The following PHTF2 variants were observed in gnomAD, a reference collection of about 807,000 sequenced individuals.
PHTF2 encodes the protein putative homeodomain transcription factor 2, also known as protein PHTF2.
Under a neutral mutation model 101.2 loss-of-function variants are expected in PHTF2, and 60 were observed. The observed-to-expected ratio is 0.59, with a 90% CI of 0.48 to 0.73. The LOEUF is 0.73. Ranked by LOEUF, PHTF2 falls within the 30% of genes least tolerant of loss-of-function variation. The pLI, the probability that PHTF2 is intolerant of heterozygous loss-of-function variation, is 0.00. For synonymous variants in PHTF2, 311 were observed against 307.3 expected (o/e 1.01, Z -0.13); for missense variants, 747 against 908.7 (o/e 0.82, Z 2.29).
intron 5 of PHTF2, among the ~76,000 whole-genome samples, chr7:77,894,387 C>T (rs10953373): frequency 0.097 from 14,683 of 152,150 alleles, 949 homozygotes; most frequent in South Asian, 0.18. Flanking sequence ...GACAGTATTA[C>T]CTTAGTTACT....
At chr7:77,863,148 C>A (rs2150680970) in intron 3 of PHTF2, among the ~76,000 whole-genome samples, 1 of 152,276 alleles carries the variant, frequency 6.6e-6, no homozygotes, top group South Asian at 2.1e-4. Context: ...TAAGTGAAGT[C>A]TTGCTTTAGT....
At chr7:77,821,779 C>T (rs2150521054) in intron 1 of PHTF2, among the ~76,000 whole-genome samples, 1 of 152,260 alleles carries the variant, frequency 6.6e-6, no homozygotes, top group Admixed American at 6.5e-5. Flanking sequence ...AGGGGTGTGG[C>T]TCAGGAGTGA....
At chr7:77,914,045 G>A (rs1159263419) in intron 9 of PHTF2, among the ~76,000 whole-genome samples, 1 of 137,938 alleles carries the variant, frequency 7.2e-6, no homozygotes, top group African/African-American at 2.7e-5. Context: ...CAGCCTGGGC[G>A]ACAGAGCTGG....
chr7:77,917,923 G>A (rs1803085616), intron 9 of PHTF2, among the ~76,000 whole-genome samples: 1 of 152,180 alleles, frequency 6.6e-6, no homozygotes, highest in South Asian at 2.1e-4. Flanking sequence ...CTACAGCTTA[G>A]TAAATTACTG....
rs1797152978 is a variant in PHTF2, at chr7:77,856,048, G to T, written c.147+1214G>T. Among the ~76,000 whole-genome samples, 3 of 152,204 alleles carry T rather than the reference G, an allele frequency of 2.0e-5. No individual in the cohort carries two copies. The South Asian group carries it at 6.2e-4, about 32-fold the overall frequency. On this transcript the variant is annotated intron_variant, in intron 3 of 19. Coordinates refer to ENST00000416283, the Ensembl canonical transcript of PHTF2. ...GCATGATTGCTAGAGGTTTGTATTT[G>T]ACCATCTTGCTCCAATAACCTAAAT...
At chr7:77,807,286 T>C (rs999215413) in intron 1 of PHTF2, among the ~76,000 whole-genome samples, 4 of 152,208 alleles carry the variant, frequency 2.6e-5, no homozygotes, top group Non-Finnish European at 5.9e-5. Flanking sequence ...TAGTTCTATT[T>C]TTAATCTTTT....
At chr7:77,886,746 G>C (rs925137513) in intron 3 of PHTF2, among the ~76,000 whole-genome samples, 1 of 152,146 alleles carries the variant, frequency 6.6e-6, no homozygotes, top group African/African-American at 2.4e-5. Context: ...AGGGGCAGGG[G>C]AGGAAGTGAT....
At chr7:77,911,263 A>G (rs1422139100) in intron 9 of PHTF2, among the ~76,000 whole-genome samples, 1 of 151,982 alleles carries the variant, frequency 6.6e-6, no homozygotes, top group Non-Finnish European at 1.5e-5. Context: ...ATACAACTAT[A>G]CAAAAATGGC....
At chr7:77,845,823 C>T (rs1399543416) in intron 2 of PHTF2, among the ~76,000 whole-genome samples, 1 of 152,328 alleles carries the variant, frequency 6.6e-6, no homozygotes, top group Non-Finnish European at 1.5e-5. Context: ...GATTCTTTCG[C>T]AGGTAAGACA....
intron 18 of PHTF2, among the ~76,000 whole-genome samples, 181 bp from the exon 18 acceptor site, chr7:77,953,588 A>G (rs541495754): frequency 6.6e-6 from 1 of 152,310 alleles, no homozygotes; most frequent in South Asian, 2.1e-4. Flanking sequence ...TTTCCTTTAA[A>G]ACCATTAAAA....
chr7:77,819,886 T>TTTTTG (rs1176410982), intron 1 of PHTF2, among the ~76,000 whole-genome samples: 1 of 152,108 alleles, frequency 6.6e-6, no homozygotes. Context: ...TATGGGAGAC[T>TTTTTG]TTTTGTTTTG....
chr7:77,918,250 A>T (rs969197787), intron 9 of PHTF2, among the ~76,000 whole-genome samples: 1 of 151,988 alleles, frequency 6.6e-6, no homozygotes, highest in African/African-American at 2.4e-5. Flanking sequence ...AGTCTGGTTC[A>T]TTCTACACAT....
chr7:77,829,758 T>G (rs1584421124), intron 1 of PHTF2, among the ~76,000 whole-genome samples: 1 of 152,210 alleles, frequency 6.6e-6, no homozygotes. Context: ...ATATTTAACT[T>G]TAGCATTTAG....
chr7:77,798,859 G>C (rs1395901941), exon 1 of PHTF2: 1 of 152,528 alleles, frequency 6.6e-6, no homozygotes, highest in Non-Finnish European at 1.5e-5. Flanking sequence ...GAGGCAGCGC[G>C]CCCGCGGGCA....
intron 12 of PHTF2, among the ~76,000 whole-genome samples, chr7:77,929,534 T>C (rs1007558700): frequency 2.6e-5 from 4 of 152,212 alleles, no homozygotes; most frequent in Non-Finnish European, 5.9e-5. Context: ...GAAAAGTTAT[T>C]GGTAACTGGA....
At chr7:77,865,023 T>G (rs934046576) in intron 3 of PHTF2, among the ~76,000 whole-genome samples, 1 of 152,140 alleles carries the variant, frequency 6.6e-6, no homozygotes, top group Non-Finnish European at 1.5e-5. Context: ...CTTCTGAATC[T>G]TTTTGACATG....
Position 77,940,516 on chromosome 7 carries a change from A to C in PHTF2, c.1741-12A>C, listed in dbSNP as rs151125212. 104 of 1,579,044 alleles carry C rather than the reference A, an allele frequency of 6.6e-5. No individual in the cohort carries two copies. The East Asian group carries it at 2.0e-3, about 31-fold the overall frequency. On this transcript the variant is annotated splice_polypyrimidine_tract_variant and intron_variant, in intron 14 of 19. Transcript: ENST00000416283. ...CTACTTGAAAATTAATCCTCATCTTAATCTTTTTTAGCGATTACTTTTTGC... is the reference window on the plus strand; with the variant it reads ...CTACTTGAAAATTAATCCTCATCTTCATCTTTTTTAGCGATTACTTTTTGC...
At position 77,808,119 on chromosome 7, in the gene PHTF2, C is replaced by T. The variant is rs557793082; in HGVS notation, c.-36+9148C>T. 1.4e-4 allele frequency among the ~76,000 whole-genome samples: 22 copies of T among 152,204 alleles called. No individual in the cohort carries two copies. The East Asian group carries it at 4.2e-3, about 29-fold the overall frequency. On this transcript the variant is annotated intron_variant, in intron 1 of 19. Coordinates refer to ENST00000416283, the Ensembl canonical transcript of PHTF2. ...TGTTTTGAAATCAGGAAGTGTGAGT[C>T]CTCCAAATTTGTTGTTCTTTTTAAA...
chr7:77,862,579 A>G (rs1402086655), intron 3 of PHTF2, among the ~76,000 whole-genome samples: 2 of 152,200 alleles, frequency 1.3e-5, no homozygotes, highest in African/African-American at 4.8e-5. Context: ...AAATGATGCT[A>G]TTTGAATAGA....
Sources: gnomAD v4.1 joint callset for allele counts (sites outside exome capture counted in the v4.1 genomes callset) on GRCh38, gnomAD v4.1.1 for gene constraint, MANE v1.5 for transcripts, NCBI Gene and HGNC (gene_info 2026-07-23, HGNC 2026-07-21) for gene names.